Variants in SLC25A17 observed in about 807,000 individuals in gnomAD.
SLC25A17 encodes peroxisomal membrane protein PMP34.
In SLC25A17, 26 loss-of-function variants were observed where a neutral mutation model predicts 38.5. The observed-to-expected ratio is 0.68, with a 90% CI of 0.50 to 0.94. SLC25A17 has a LOEUF of 0.94. Among genes scored for constraint, SLC25A17 ranks in the 40% least tolerant of loss-of-function variants. SLC25A17 has a pLI of 0.00. For synonymous variants in SLC25A17, 139 were observed against 136.2 expected, an observed-to-expected ratio of 1.02 and a Z score of -0.14; for missense variants, 333 against 372.7, an observed-to-expected ratio of 0.89 and a Z score of 0.88.
intron 5 of SLC25A17, 32 bp downstream of exon 5, chr22:40,778,977 C>T (rs1253440198): frequency 6.4e-7 from 1 of 1,571,466 alleles, no homozygotes; most frequent in Non-Finnish European, 8.8e-7. Flanking sequence ...GAAGAAAACC[C>T]TTAAATAGGA....
intron 1 of SLC25A17, chr22:40,817,188 T>C (rs2057649893): frequency 6.6e-6 from 1 of 152,260 alleles, no homozygotes; most frequent in East Asian, 1.9e-4. Flanking sequence ...TTCTCAGTTA[T>C]TTCTCAGTCC....
At chr22:40,817,934 C>A (rs2057659225) in intron 1 of SLC25A17, among the ~76,000 whole-genome samples, 1 of 152,180 alleles carries the variant, frequency 6.6e-6, no homozygotes, top group African/African-American at 2.4e-5. Context: ...GCTCTTCTGG[C>A]TGAACTGAAT....
In SLC25A17 at chr22:40,819,210, G is replaced by A; in HGVS notation, c.39C>T (p.Ala13=). 4.3e-6 allele frequency: 7 copies of A among 1,613,688 alleles called. No homozygotes were observed. Among genetic ancestry groups the A allele is most frequent in the Non-Finnish European group, 5.9e-6 (7 of 1,180,004 alleles). Residue 13 remains alanine (A), a synonymous_variant, in exon 1 of 9, where the codon GCC becomes GCT. Coordinates refer to ENST00000435456, the MANE Select transcript of SLC25A17 (RefSeq NM_006358.4). ...CCCGTCTCACCACGGCTCCGGCCAC[G>A]GCGTGGACCAGGCTTTCGTAGGACA... ...SVLSYESLVH[A]VAGAVGSVTA...
intron 7 of SLC25A17, among the ~76,000 whole-genome samples, chr22:40,774,995 A>G (rs571314025): frequency 2.0e-4 from 30 of 152,172 alleles, no homozygotes; most frequent in African/African-American, 6.5e-4. Flanking sequence ...TCTTGCCTGT[A>G]TTACTGAAAT....
intron 1 of SLC25A17, among the ~76,000 whole-genome samples, chr22:40,804,681 C>G (rs1020848446): frequency 6.6e-6 from 1 of 152,170 alleles, no homozygotes. Context: ...TAGGTTGTCT[C>G]TTCACTCAGG....
At chr22:40,775,700 T>C (rs1230847196) in intron 7 of SLC25A17, among the ~76,000 whole-genome samples, 2 of 151,752 alleles carry the variant, frequency 1.3e-5, no homozygotes, top group Non-Finnish European at 2.9e-5. Flanking sequence ...CCTGACCTCA[T>C]GATCCACCCG....
At position 40,789,973 on chromosome 22, in the gene SLC25A17, G is replaced by A. The variant is rs2145671466; in HGVS notation, c.334+2552C>T. Reference sequence around the variant, plus strand: ...ATTTTCTGACAAGACAACAGATGATGCTCACAGTCAACACAGACCCGTAGA... The same window carrying A: ...ATTTTCTGACAAGACAACAGATGATACTCACAGTCAACACAGACCCGTAGA... On this transcript the variant is annotated intron_variant, in intron 4 of 8. Coordinates refer to ENST00000435456, the MANE Select transcript of SLC25A17 (RefSeq NM_006358.4). This position sits in a 1 kb window ranked among gnomAD's most constrained non-coding sequence, Gnocchi z 4.5. Among the ~76,000 whole-genome samples, 1 of 151,902 alleles carries A rather than the reference G, an allele frequency of 6.6e-6. No homozygotes were observed. The highest frequency in any genetic ancestry group is 2.1e-4 in the South Asian group (1 of 4,812).
chr22:40,811,593 G>T (rs1445383294), intron 1 of SLC25A17, among the ~76,000 whole-genome samples: 1 of 151,952 alleles, frequency 6.6e-6, no homozygotes, highest in Non-Finnish European at 1.5e-5. Context: ...GCACAGTGCT[G>T]GCATCTGCTT....
chr22:40,797,231 ATAG>A (rs2057438881), intron 2 of SLC25A17: 1 of 837,806 alleles, frequency 1.2e-6, no homozygotes, highest in Admixed American at 2.4e-5. Context: ...TTACCCAAAA[ATAG>A]TAGGCATAAA....
At chr22:40,816,827 C>T (rs1289162695) in intron 1 of SLC25A17, among the ~76,000 whole-genome samples, 1 of 151,956 alleles carries the variant, frequency 6.6e-6, no homozygotes, top group Non-Finnish European at 1.5e-5. Context: ...GCCAGGCTGG[C>T]CTCGAACTCC....
In SLC25A17 at chr22:40,777,235, C is replaced by T. The variant is rs759909984; in HGVS notation, c.590G>A (p.Arg197Gln). ...EGLKRQLLKK[R>Q]MKLSSLDVFI... Reference sequence around the variant, plus strand: ...TTCAAAATCAAGGATTACCTTCATCCGTTTCTTTAAAAGCTGCCGTTTTAA... The same window carrying T: ...TTCAAAATCAAGGATTACCTTCATCTGTTTCTTTAAAAGCTGCCGTTTTAA... The change falls in exon 6 of 9, where the codon CGG (arginine) becomes CAG (glutamine). Residue 197 changes from arginine to glutamine, a missense_variant. Arg to Gln is a conservative substitution (Grantham distance 43, BLOSUM62 1). Coordinates refer to ENST00000435456, the MANE Select transcript of SLC25A17 (RefSeq NM_006358.4). 100 of 1,613,764 alleles carry T rather than the reference C, an allele frequency of 6.2e-5. No homozygotes were observed. The highest frequency in any genetic ancestry group is 7.8e-5 in the Non-Finnish European group (92 of 1,179,836).
chr22:40,773,985 G>A lies in SLC25A17; in HGVS notation c.728C>T (p.Thr243Ile). 3 of 1,613,238 alleles carry A rather than the reference G, an allele frequency of 1.9e-6. No homozygotes were observed. The highest frequency in any genetic ancestry group is 1.3e-5 in the African/African-American group (1 of 75,014). ...GAGAATATTCCGAAGACTTCCCAAT[G>A]TTCTGTTTTCTGGGTTTAGTCTATG... ...GRHRLNPENRTLGSLRNILYL... is the reference protein window; with the variant it reads ...GRHRLNPENRILGSLRNILYL... The change falls in exon 8 of 9, where the codon ACA (threonine) becomes ATA (isoleucine). Residue 243 changes from threonine (T) to isoleucine (I), a missense_variant. By Grantham distance (89) the Thr-to-Ile change is moderately conservative (BLOSUM62 -1). Transcript: ENST00000435456.
chr22:40,782,348 T>C (rs1190243099), intron 4 of SLC25A17, among the ~76,000 whole-genome samples: 1 of 152,358 alleles, frequency 6.6e-6, no homozygotes, highest in African/African-American at 2.4e-5. Context: ...CTGTTTTTTT[T>C]CTAATTCTAA....
chr22:40,782,954 G>A (rs1309497768), intron 4 of SLC25A17, among the ~76,000 whole-genome samples: 1 of 152,120 alleles, frequency 6.6e-6, no homozygotes, highest in African/African-American at 2.4e-5. Flanking sequence ...TAAGTTTCAA[G>A]AAGAATTTGA....
intron 1 of SLC25A17, 113 bp from the exon 2 acceptor site, chr22:40,799,196 C>T (rs983412134): frequency 3.7e-5 from 10 of 272,910 alleles, no homozygotes; most frequent in African/African-American, 1.1e-4. Flanking sequence ...CAGTGGTTTA[C>T]GGCAGCCTTG....
At chr22:40,781,978 T>C (rs2057298754) in intron 4 of SLC25A17, among the ~76,000 whole-genome samples, 1 of 152,008 alleles carries the variant, frequency 6.6e-6, no homozygotes. Context: ...TCCCAGCACT[T>C]TGGGAGGCTG....
In SLC25A17 at chr22:40,770,907, A is replaced by G. The variant is rs144694083; in HGVS notation, c.851T>C (p.Met284Thr). Reference sequence around the variant, plus strand: ...TGTCAGTTTCTCATAAACAAGGAACATGAGAGCAGCAGTGAGGACTGTCTG... The same window carrying G: ...TGTCAGTTTCTCATAAACAAGGAACGTGAGAGCAGCAGTGAGGACTGTCTG... ...LLQTVLTAALMFLVYEKLTAA... is the reference protein window; with the variant it reads ...LLQTVLTAALTFLVYEKLTAA... The change falls in exon 9 of 9, where the codon ATG (methionine) becomes ACG (threonine). Residue 284 changes from methionine (M) to threonine (T), a missense_variant. By Grantham distance (81) the Met-to-Thr change is moderately conservative. Transcript: ENST00000435456. 411 of 1,613,566 alleles carry G rather than the reference A, an allele frequency of 2.5e-4. No homozygotes were observed. The highest frequency in any genetic ancestry group is 3.3e-4 in the Non-Finnish European group (388 of 1,179,640).
At chr22:40,793,908 A>G (rs2057405209) in intron 3 of SLC25A17, among the ~76,000 whole-genome samples, 1 of 152,198 alleles carries the variant, frequency 6.6e-6, no homozygotes, top group African/African-American at 2.4e-5. Flanking sequence ...ATTGTTTAAA[A>G]GTGTCAGTGT....
At chr22:40,808,977 C>T (rs926785681) in intron 1 of SLC25A17, among the ~76,000 whole-genome samples, 9 of 152,162 alleles carry the variant, frequency 5.9e-5, no homozygotes, top group Non-Finnish European at 5.9e-5. Context: ...AAGGATCCAG[C>T]TATCTTCTAT....
Sources: gnomAD v4.1 joint callset for allele counts (sites outside exome capture counted in the v4.1 genomes callset) on GRCh38, gnomAD v4.1.1 for gene constraint, Gnocchi (gnomAD v3.1) non-coding constraint, MANE v1.5 for transcripts, NCBI Gene and HGNC (gene_info 2026-07-23, HGNC 2026-07-21) for gene names.